The following GABRB1 variants were observed in gnomAD, a reference collection of about 807,000 sequenced individuals.
The protein encoded by GABRB1 is gamma-aminobutyric acid receptor subunit beta-1.
Under a neutral mutation model 51.6 loss-of-function variants are expected in GABRB1, and 17 were observed. That is an observed-to-expected ratio of 0.33 (90% CI 0.23 to 0.49). GABRB1 has a LOEUF of 0.49. GABRB1 is among the 20% of genes least tolerant of loss of function. GABRB1 has a pLI of 0.99. For missense variants in GABRB1, 410 were observed against 600.6 expected (o/e 0.68, Z 3.32); for synonymous variants, 247 against 218.9 (o/e 1.13, Z -1.14).
At chr4:47,208,128 T>C (rs1467344681) in intron 4 of GABRB1, among the ~76,000 whole-genome samples, 1 of 152,104 alleles carries the variant, frequency 6.6e-6, no homozygotes, top group Non-Finnish European at 1.5e-5. Flanking sequence ...GGTGTTTGTG[T>C]GTGTACAATG....
intron 4 of GABRB1, among the ~76,000 whole-genome samples, chr4:47,220,145 C>T (rs1434623273): frequency 6.6e-6 from 1 of 151,970 alleles, no homozygotes; most frequent in Non-Finnish European, 1.5e-5. Flanking sequence ...TCTTCAGCTG[C>T]ATCATCCCAT....
At chr4:47,246,299 TACACACAC>T (rs59187371) in intron 4 of GABRB1, among the ~76,000 whole-genome samples, 21 of 84,136 alleles carry the variant, frequency 2.5e-4, no homozygotes, top group Admixed American at 7.3e-4. Flanking sequence ...TATATATATA[TACACACAC>T]ACACACACAC....
chr4:47,212,290 G>A (rs545392573), intron 4 of GABRB1, among the ~76,000 whole-genome samples: 2 of 152,146 alleles, frequency 1.3e-5, no homozygotes, highest in East Asian at 1.9e-4. Flanking sequence ...TAGCCACAGC[G>A]GGAGGCCACT....
intron 5 of GABRB1, among the ~76,000 whole-genome samples, chr4:47,333,465 A>G (rs1364146649): frequency 6.6e-6 from 1 of 152,140 alleles, no homozygotes; most frequent in East Asian, 1.9e-4. Context: ...CTGTAATCCC[A>G]GCATTTTGGG....
intron 4 of GABRB1, among the ~76,000 whole-genome samples, chr4:47,283,604 G>T (rs2109911273): frequency 6.6e-6 from 1 of 151,352 alleles, no homozygotes; most frequent in Non-Finnish European, 1.5e-5. Context: ...TAGCCAGGAT[G>T]GTCTCCATCT....
chr4:47,030,613 TA>T (rs1725258202), upstream of GABRB1, among the ~76,000 whole-genome samples: 1 of 152,166 alleles, frequency 6.6e-6, no homozygotes, highest in South Asian at 2.1e-4. Flanking sequence ...AACAAACACC[TA>T]GTCCAGGGCC....
At chr4:47,387,397 G>C in intron 5 of GABRB1, among the ~76,000 whole-genome samples, 1 of 152,136 alleles carries the variant, frequency 6.6e-6, no homozygotes, top group East Asian at 1.9e-4. Context: ...ACTTGAACCT[G>C]GGAGGTAGAG....
chr4:47,324,004 G>C (rs1161248336), intron 5 of GABRB1, among the ~76,000 whole-genome samples: 1 of 152,138 alleles, frequency 6.6e-6, no homozygotes, highest in Non-Finnish European at 1.5e-5. Context: ...ATAGCCACAA[G>C]CATCATGGAT....
intron 5 of GABRB1, among the ~76,000 whole-genome samples, chr4:47,395,181 G>T (rs1728138853): frequency 6.6e-6 from 1 of 152,152 alleles, no homozygotes; most frequent in Non-Finnish European, 1.5e-5. Context: ...CTGCTATAAA[G>T]AACTACCTGA....
intron 3 of GABRB1, among the ~76,000 whole-genome samples, chr4:47,042,040 GTCT>G (rs1210649365): frequency 2.0e-5 from 3 of 151,912 alleles, no homozygotes; most frequent in South Asian, 2.1e-4. Flanking sequence ...ACATATAAAG[GTCT>G]TCCTAACCTT....
intron 3 of GABRB1, among the ~76,000 whole-genome samples, chr4:47,086,886 T>G (rs1174734815): frequency 6.6e-6 from 1 of 152,038 alleles, no homozygotes; most frequent in Non-Finnish European, 1.5e-5. Context: ...TCCATGGGAG[T>G]GGTCACACTC....
intron 4 of GABRB1, among the ~76,000 whole-genome samples, chr4:47,204,394 T>C (rs1017435173): frequency 2.0e-5 from 3 of 152,160 alleles, no homozygotes; most frequent in African/African-American, 4.8e-5. Flanking sequence ...TTTAGACTAT[T>C]GGTCAAATAT....
intron 3 of GABRB1, among the ~76,000 whole-genome samples, chr4:47,121,685 T>C (rs1354020509): frequency 1.3e-5 from 2 of 152,184 alleles, no homozygotes; most frequent in African/African-American, 4.8e-5. Context: ...ATTTTCAATA[T>C]GGGAAAGGAA....
chr4:47,393,239 A>G (rs1444296401), intron 5 of GABRB1, among the ~76,000 whole-genome samples: 4 of 152,200 alleles, frequency 2.6e-5, no homozygotes, highest in Non-Finnish European at 5.9e-5. Flanking sequence ...AGTCATTGCT[A>G]GTGGCTCAGC....
intron 4 of GABRB1, among the ~76,000 whole-genome samples, chr4:47,176,110 T>A (rs1400929864): frequency 2.6e-5 from 4 of 152,150 alleles, no homozygotes; most frequent in Non-Finnish European, 5.9e-5. Flanking sequence ...AATTCTTTTG[T>A]GCCTCTTCAA....
At chr4:47,164,292 A>C (rs1408050050) in intron 4 of GABRB1, among the ~76,000 whole-genome samples, 1 of 152,102 alleles carries the variant, frequency 6.6e-6, no homozygotes, top group African/African-American at 2.4e-5. Context: ...GGGCATGTTC[A>C]TTTTAATTCC....
At chr4:47,123,881 T>A (rs1715978904) in intron 3 of GABRB1, among the ~76,000 whole-genome samples, 2 of 78,988 alleles carry the variant, frequency 2.5e-5, no homozygotes, top group African/African-American at 8.6e-5. Context: ...ATCTTATATA[T>A]AATATATATA....
chr4:47,001,745 G>T (rs1724225772), intron 1 of GABRB1, among the ~76,000 whole-genome samples: 1 of 152,154 alleles, frequency 6.6e-6, no homozygotes, highest in African/African-American at 2.4e-5. Context: ...TCTACAGATA[G>T]AATAATCTAT....
chr4:47,045,688 T>C (rs1283003477), intron 3 of GABRB1, among the ~76,000 whole-genome samples: 1 of 152,054 alleles, frequency 6.6e-6, no homozygotes, highest in Non-Finnish European at 1.5e-5. Context: ...GGGAGTTTAC[T>C]GGAGCCTCTT....
Sources: gnomAD v4.1 joint callset for allele counts (sites outside exome capture counted in the v4.1 genomes callset) on GRCh38, gnomAD v4.1.1 for gene constraint, MANE v1.5 for transcripts, NCBI Gene and HGNC (gene_info 2026-07-23, HGNC 2026-07-21) for gene names.